The following CTNND2 variants were observed in gnomAD, a reference collection of about 807,000 sequenced individuals.
The protein encoded by CTNND2 is catenin delta-2.
CTNND2 carries 22 observed loss-of-function variants against 144.4 expected under a neutral mutation model. The observed-to-expected ratio is 0.15, with a 90% CI of 0.11 to 0.22. The LOEUF (loss-of-function observed/expected upper bound fraction) is 0.22, where lower values mean the gene tolerates loss of function less well. CTNND2 is among the 10% of genes least tolerant of loss of function. CTNND2 has a pLI of 1.00. For synonymous variants in CTNND2, 751 were observed against 695.6 expected (o/e 1.08, Z -1.25); for missense variants, 1,353 against 1,618.8 (o/e 0.84, Z 2.82).
At chr5:11,762,606 C>A (rs1337030355) in intron 1 of CTNND2, among the ~76,000 whole-genome samples, 2 of 152,150 alleles carry the variant, frequency 1.3e-5, no homozygotes, top group Non-Finnish European at 2.9e-5. Flanking sequence ...AGCAATCAAG[C>A]AAATTTCTCC....
chr5:11,571,029 G>A (rs1777509465), intron 2 of CTNND2, among the ~76,000 whole-genome samples: 1 of 151,782 alleles, frequency 6.6e-6, no homozygotes, highest in Non-Finnish European at 1.5e-5. Context: ...CTATTATTAT[G>A]CTTTTAATTT....
intron 6 of CTNND2, among the ~76,000 whole-genome samples, chr5:11,386,263 C>T (rs552000729): frequency 1.3e-5 from 2 of 152,062 alleles, no homozygotes; most frequent in African/African-American, 4.8e-5. Flanking sequence ...TAGGATTGTA[C>T]ACAGAGTTGG....
At chr5:11,571,343 C>T (rs1405585773) in intron 2 of CTNND2, among the ~76,000 whole-genome samples, 1 of 152,162 alleles carries the variant, frequency 6.6e-6, no homozygotes, top group African/African-American at 2.4e-5. Flanking sequence ...CCACTGTGTG[C>T]AGAACATCAT....
chr5:11,332,985 A>C (rs1753334643), intron 9 of CTNND2, among the ~76,000 whole-genome samples: 1 of 152,328 alleles, frequency 6.6e-6, no homozygotes, highest in East Asian at 1.9e-4. Flanking sequence ...AGCCACGTGG[A>C]ACTGAGTCCA....
At chr5:11,728,864 C>G (rs575922415) in intron 2 of CTNND2, among the ~76,000 whole-genome samples, 3 of 152,164 alleles carry the variant, frequency 2.0e-5, no homozygotes, top group African/African-American at 7.2e-5. Context: ...CCACTGCTAA[C>G]TACTTGAAGG....
intron 3 of CTNND2, among the ~76,000 whole-genome samples, chr5:11,563,079 A>G: frequency 6.6e-6 from 1 of 152,220 alleles, no homozygotes; most frequent in East Asian, 1.9e-4. Context: ...CTCCAGAGTA[A>G]GAGCCCATAT....
At chr5:11,065,957 C>G (rs1053033853) in intron 16 of CTNND2, among the ~76,000 whole-genome samples, 4 of 152,060 alleles carry the variant, frequency 2.6e-5, no homozygotes, top group African/African-American at 9.7e-5. Context: ...CTTTAAAGGT[C>G]TGAATAGGAA....
At chr5:11,744,030 C>T (rs1374521092) in intron 1 of CTNND2, among the ~76,000 whole-genome samples, 1 of 152,244 alleles carries the variant, frequency 6.6e-6, no homozygotes, top group East Asian at 1.9e-4. Flanking sequence ...CAAGATGGAA[C>T]GGTGCTCCTC....
chr5:11,707,345 T>C (rs1356295938), intron 2 of CTNND2, among the ~76,000 whole-genome samples: 1 of 152,192 alleles, frequency 6.6e-6, no homozygotes, highest in African/African-American at 2.4e-5. Context: ...CCTCCTCTCA[T>C]GCACACAGAC....
chr5:11,887,796 T>C (rs1202600279), intron 1 of CTNND2, among the ~76,000 whole-genome samples: 1 of 152,200 alleles, frequency 6.6e-6, no homozygotes, highest in Non-Finnish European at 1.5e-5. Context: ...TCTCAGACTT[T>C]CCTTGTTTTT....
chr5:11,074,757 G>T (rs939153968), intron 16 of CTNND2, among the ~76,000 whole-genome samples: 2 of 152,130 alleles, frequency 1.3e-5, no homozygotes, highest in Admixed American at 1.3e-4. Context: ...AATTCTATGG[G>T]CATCACCGTT....
chr5:11,535,379 C>CTCTCTCTTG (rs1774119451), intron 3 of CTNND2, among the ~76,000 whole-genome samples: 1 of 152,094 alleles, frequency 6.6e-6, no homozygotes, highest in Admixed American at 6.5e-5. Context: ...TTATATATCA[C>CTCTCTCTTG]TCTCTCTTGT....
intron 2 of CTNND2, among the ~76,000 whole-genome samples, chr5:11,625,465 A>C (rs896694488): frequency 8.6e-5 from 13 of 151,564 alleles, no homozygotes; most frequent in African/African-American, 2.4e-4. Context: ...TACAAAAAAT[A>C]ACTTAAACTA....
intron 11 of CTNND2, among the ~76,000 whole-genome samples, chr5:11,184,346 A>G (rs2149805207): frequency 6.6e-6 from 1 of 152,356 alleles, no homozygotes; most frequent in Non-Finnish European, 1.5e-5. Flanking sequence ...TTTGCTTTTA[A>G]TTAACTGCAC....
At chr5:10,977,028 A>G (rs748041669) in intron 21 of CTNND2, among the ~76,000 whole-genome samples, 94 of 152,332 alleles carry the variant, frequency 6.2e-4, no homozygotes, top group Non-Finnish European at 1.2e-3. Flanking sequence ...GGCCCCAGCA[A>G]TCTGTGCTTT....
chr5:11,801,645 T>C (rs1341607067), intron 1 of CTNND2, among the ~76,000 whole-genome samples: 1 of 152,210 alleles, frequency 6.6e-6, no homozygotes, highest in East Asian at 1.9e-4. Flanking sequence ...TTTTCTTTTG[T>C]ATATGCTTAT....
At chr5:11,388,087 A>G (rs1461281126) in intron 6 of CTNND2, among the ~76,000 whole-genome samples, 1 of 152,218 alleles carries the variant, frequency 6.6e-6, no homozygotes, top group Non-Finnish European at 1.5e-5. Context: ...TCTTTTAGAT[A>G]TTATAGGATC....
intron 2 of CTNND2, among the ~76,000 whole-genome samples, chr5:11,592,154 TCCTGCCTGCCTGCCTTCCTGCCTG>T (rs1321644490): frequency 6.0e-5 from 8 of 133,972 alleles, no homozygotes; most frequent in South Asian, 2.3e-4. Context: ...CTTCCTGCCT[TCCTGCCTGCCTGCCTTCCTGCCTG>T]CCTGCCTTCC....
At chr5:11,669,115 G>A (rs543766243) in intron 2 of CTNND2, among the ~76,000 whole-genome samples, 5 of 152,226 alleles carry the variant, frequency 3.3e-5, no homozygotes, top group Admixed American at 6.5e-5. Context: ...GGATGAAGCC[G>A]ACTTGATCGT....
Sources: allele counts gnomAD v4.1 joint callset (sites outside exome capture counted in the v4.1 genomes callset), GRCh38; gene constraint gnomAD v4.1.1; transcripts MANE v1.5; gene names NCBI Gene and HGNC (gene_info 2026-07-23, HGNC 2026-07-21).